Variants in VIPR2 observed in about 807,000 individuals in gnomAD.
The protein encoded by VIPR2 is vasoactive intestinal polypeptide receptor 2.
Under a neutral mutation model 58.0 loss-of-function variants are expected in VIPR2, and 48 were observed. That is an observed-to-expected ratio of 0.83 (90% CI 0.66 to 1.05). The LOEUF (loss-of-function observed/expected upper bound fraction) is 1.05, where lower values mean the gene tolerates loss of function less well. Among genes scored for constraint, VIPR2 ranks in the 50% least tolerant of loss-of-function variants. VIPR2 has a pLI of 0.00. For synonymous variants in VIPR2, 243 were observed against 235.2 expected (o/e 1.03, Z -0.30); for missense variants, 534 against 558.0 (o/e 0.96, Z 0.43).
chr7:159,039,598 T>TGGGTGAGGCCTTGCCACAG (rs1854190815), intron 6 of VIPR2, among the ~76,000 whole-genome samples: 1 of 151,972 alleles, frequency 6.6e-6, no homozygotes, highest in Admixed American at 6.5e-5. Context: ...AGGGTGTTAG[T>TGGGTGAGGCCTTGCCACAG]GGGTGGCGCT....
At chr7:159,035,584 C>T (rs1223347070) in intron 8 of VIPR2, among the ~76,000 whole-genome samples, 3 of 152,198 alleles carry the variant, frequency 2.0e-5, no homozygotes, top group Admixed American at 2.0e-4. Flanking sequence ...GCCGGGGGGC[C>T]CTGCAGCCAC....
chr7:159,076,353 C>T (rs1446984193), intron 4 of VIPR2, among the ~76,000 whole-genome samples: 1 of 152,208 alleles, frequency 6.6e-6, no homozygotes. Context: ...TTTTCAGAGA[C>T]AGTGAAATGC....
rs1197780567 is a variant in VIPR2, at chr7:159,030,621, T to C, written c.1312A>G (p.Ile438Val). ...TCCGACAGGCAGGGGTGGGGCTAGA[T>C]GACCGAGGTCTCCGTTTGCAGGAAG... ...QSFLQTETSV[I>V] The change falls in exon 13 of 13, where the codon ATC becomes GTC. Residue 438 changes from isoleucine to valine, a missense_variant. Ile to Val is a conservative substitution (Grantham distance 29). Coordinates refer to ENST00000262178, the MANE Select transcript of VIPR2 (RefSeq NM_003382.5). The C allele has an allele frequency of 3.9e-6, 6 of 1,544,688 alleles. No individual in the cohort carries two copies. Among genetic ancestry groups the C allele is most frequent in the African/African-American group, 2.7e-5 (2 of 73,034 alleles).
chr7:159,139,130 G>A (rs1315610818), intron 2 of VIPR2, among the ~76,000 whole-genome samples: 1 of 152,186 alleles, frequency 6.6e-6, no homozygotes, highest in African/African-American at 2.4e-5. Flanking sequence ...CCCCAAGTAT[G>A]ATAGAGAATA....
chr7:159,032,299 G>A lies in VIPR2; in HGVS notation c.972-232C>T, dbSNP rs1563253082. Among the ~76,000 whole-genome samples the A allele has an allele frequency of 2.0e-5, 3 of 152,184 alleles. No homozygotes were observed. In the South Asian group the frequency reaches 6.2e-4, roughly 32 times the overall value. On this transcript the variant is annotated intron_variant, in intron 10 of 12. Transcript: ENST00000262178. ...GGGAACGTGCATTCCGGAAGTGTCC[G>A]TTTCTCCCAAATTCCCTCACAAGGA...
chr7:159,032,190 C>T, intron 10 of VIPR2, 123 bp from the exon 11 acceptor site: 1 of 1,349,872 alleles, frequency 7.4e-7, no homozygotes, highest in Middle Eastern at 2.4e-4. Context: ...CTCTCCACTG[C>T]TGGAGTCCCC....
rs1585584890 is a variant in VIPR2, at chr7:159,144,705, T to G, written c.51+16A>C. The G allele has an allele frequency of 7.5e-7, 1 of 1,327,858 alleles. No homozygotes were observed. The highest frequency in any genetic ancestry group is 9.6e-7 in the Non-Finnish European group (1 of 1,039,394). The allele number at this position is 1,327,858 out of a possible 1,614,324, so 82.3% of individuals were successfully genotyped here. Reference sequence around the variant, plus strand: ...GGTCCGAGGCGCCGTGGGGCGGGGGTCGCGGGCGCACTCACGGGGGCGAGC... The same window carrying G: ...GGTCCGAGGCGCCGTGGGGCGGGGGGCGCGGGCGCACTCACGGGGGCGAGC... On this transcript the variant is annotated intron_variant, in intron 1 of 12. Transcript: ENST00000262178.
Position 159,030,549 on chromosome 7 carries a change from G to A in VIPR2, c.*67C>T. ...CTCGGGCATCTGGAAGGAGGAAGCC[G>A]GCGTCTCAGCCCCGCAGAAGCCCCG... is the stretch of plus-strand genomic sequence containing the variant. On this transcript the variant is annotated 3_prime_UTR_variant, in exon 13 of 13. Coordinates refer to ENST00000262178, the MANE Select transcript of VIPR2 (RefSeq NM_003382.5). The A allele has an allele frequency of 6.9e-7, 1 of 1,456,692 alleles. No individual in the cohort carries two copies. Among genetic ancestry groups the A allele is most frequent in the Non-Finnish European group, 9.1e-7 (1 of 1,100,728 alleles). 90.2% of individuals were successfully genotyped at this position (1,456,692 alleles called of 1,614,324 possible).
rs914624994 is a variant in VIPR2, at chr7:159,142,438, T to C, written c.151+8A>G. 7.4e-6 allele frequency: 12 copies of C among 1,611,738 alleles called. No homozygotes were observed. The highest frequency in any genetic ancestry group is 9.3e-6 in the Non-Finnish European group (11 of 1,178,106). On this transcript the variant is annotated splice_region_variant and intron_variant, in intron 2 of 12. Coordinates refer to ENST00000262178, the MANE Select transcript of VIPR2 (RefSeq NM_003382.5). The stretch of plus-strand genomic sequence containing the variant: ...CGGGAGTTCTTACTCACCAAGCCTC[T>C]GCCTTACCTTTGTGTTTTTCTGTTT...
intron 2 of VIPR2, among the ~76,000 whole-genome samples, chr7:159,137,146 C>T (rs974571565): frequency 2.6e-5 from 4 of 152,094 alleles, no homozygotes; most frequent in African/African-American, 7.2e-5. Flanking sequence ...AGGGGCCGGC[C>T]GCCCACCCTG....
At chr7:159,135,736 C>T (rs435077) in intron 2 of VIPR2, among the ~76,000 whole-genome samples, 54,619 of 151,816 alleles carry the variant, frequency 0.36, 10,280 homozygotes, top group African/African-American at 0.45. Context: ...GGCAAGAGAA[C>T]TGCTTGAACC....
Position 159,144,720 on chromosome 7 carries a change from CG to C in VIPR2, c.51del (p.Val18Ter). On this transcript the variant is annotated frameshift_variant and splice_region_variant, in exon 1 of 13. Coordinates refer to ENST00000262178, the MANE Select transcript of VIPR2 (RefSeq NM_003382.5). LOFTEE classifies it high-confidence loss of function. The part of the protein sequence containing the change: ...PALLTCWLLA[P>X]VNSIHPECRF... The stretch of plus-strand genomic sequence containing the variant: ...GGGGCGGGGGTCGCGGGCGCACTCA[CG>C]GGGGCGAGCAGCCAGCAGGTCAGCA... The C allele has an allele frequency of 1.5e-6, 2 of 1,325,480 alleles. No homozygotes were observed. Among genetic ancestry groups the C allele is most frequent in the African/African-American group, 1.5e-5 (1 of 64,872 alleles). The allele number at this position is 1,325,480 out of a possible 1,614,324, so 82.1% of individuals were successfully genotyped here.
At position 159,031,862 on chromosome 7, in the gene VIPR2, A is replaced by G; in HGVS notation, c.1109T>C (p.Val370Ala). 1 of 1,614,054 alleles carries G rather than the reference A, an allele frequency of 6.2e-7. No individual in the cohort carries two copies. Among genetic ancestry groups the G allele is most frequent in the South Asian group, 1.1e-5 (1 of 91,080 alleles). ...CAGGAAACAGTAGAGGACGGCCACC[A>G]CCAGGCCCTGCAATGAGAAGAGATG... ...ELCLGSFQGL[V>A]VAVLYCFLNS... The change falls in exon 12 of 13, where the codon GTG becomes GCG. Residue 370 changes from valine (V) to alanine (A), a missense_variant. Around this residue, in one of 3 missense-constraint regions of VIPR2, gnomAD observed 306 missense variants for 285.8 expected, o/e 1.07. Transcript: ENST00000262178. The surrounding 1 kb of genome is among the most constrained non-coding windows in gnomAD (Gnocchi z 4.0).
At chr7:159,068,578 G>T (rs1856216603) in intron 4 of VIPR2, among the ~76,000 whole-genome samples, 1 of 152,224 alleles carries the variant, frequency 6.6e-6, no homozygotes, top group African/African-American at 2.4e-5. Flanking sequence ...GACAGCCCTG[G>T]CACCCACGAC....
intron 4 of VIPR2, among the ~76,000 whole-genome samples, chr7:159,068,429 C>T (rs59341313): frequency 0.02 from 3,076 of 152,338 alleles, 113 homozygotes; most frequent in African/African-American, 0.071. Context: ...CATCAGCAGC[C>T]GTGACCCATT....
At chr7:159,041,345 C>T (rs891953056) in intron 6 of VIPR2, among the ~76,000 whole-genome samples, 6 of 152,212 alleles carry the variant, frequency 3.9e-5, no homozygotes, top group Non-Finnish European at 8.8e-5. Context: ...CAGGCCAGCA[C>T]CCAGTCCCGA....
In VIPR2 at chr7:159,031,888, G is replaced by A. The variant is rs1853608993; in HGVS notation, c.1102-19C>T. On this transcript the variant is annotated intron_variant, in intron 11 of 12. Coordinates refer to ENST00000262178, the MANE Select transcript of VIPR2 (RefSeq NM_003382.5). This position sits in a 1 kb window ranked among gnomAD's most constrained non-coding sequence, Gnocchi z 4.0. ...CCAGGCCCTGCAATGAGAAGAGATG[G>A]TCAGGCAGGACCCGCGCTCGGGGGA... 1 of 1,614,090 alleles carries A rather than the reference G, an allele frequency of 6.2e-7. No individual in the cohort carries two copies. The highest frequency in any genetic ancestry group is 8.5e-7 in the Non-Finnish European group (1 of 1,180,026).
At position 159,127,123 on chromosome 7, in the gene VIPR2, G is replaced by T. The variant is rs1318267722; in HGVS notation, c.151+15323C>A. Among the ~76,000 whole-genome samples, 1 of 152,190 alleles carries T rather than the reference G, an allele frequency of 6.6e-6. No homozygotes were observed. Among genetic ancestry groups the T allele is most frequent in the African/African-American group, 2.4e-5 (1 of 41,448 alleles). The stretch of plus-strand genomic sequence containing the variant: ...GCAGAGGATACTTTACAGCAAGCCG[G>T]ATTTTCTTCAGATGACTCAGATACG... On this transcript the variant is annotated intron_variant, in intron 2 of 12. Coordinates refer to ENST00000262178, the MANE Select transcript of VIPR2 (RefSeq NM_003382.5). This position sits in a 1 kb window ranked among gnomAD's most constrained non-coding sequence, Gnocchi z 4.6.
chr7:159,126,326 T>G lies in VIPR2; in HGVS notation c.151+16120A>C, dbSNP rs144847142. On this transcript the variant is annotated intron_variant, in intron 2 of 12. Transcript: ENST00000262178. ...GTCTTCTTTTTGTTCTGAGGATGCA[T>G]GTTTACATCATTTGTTCTTAAAATA... Among the ~76,000 whole-genome samples the G allele has an allele frequency of 3.5e-3, 532 of 152,378 alleles. 9 individuals carry two copies. Among genetic ancestry groups the G allele is most frequent in the Admixed American group, 0.031 (477 of 15,308 alleles).
Sources: gnomAD v4.1 joint callset for allele counts (sites outside exome capture counted in the v4.1 genomes callset) on GRCh38, gnomAD v4.1.1 for gene constraint, gnomAD v4.1.1 regional missense constraint, Gnocchi (gnomAD v3.1) non-coding constraint, MANE v1.5 for transcripts, NCBI Gene and HGNC (gene_info 2026-07-23, HGNC 2026-07-21) for gene names.